The following SLC22A31 variants were observed in gnomAD, a reference collection of about 807,000 sequenced individuals.
SLC22A31 encodes the protein solute carrier family 22 member 31.
Under a neutral mutation model 27.4 loss-of-function variants are expected in SLC22A31, and 42 were observed. That is an observed-to-expected ratio of 1.53 (90% CI 1.20 to 1.98). The LOEUF is 1.98. Among genes scored for constraint, SLC22A31 ranks in the 30% most tolerant of loss-of-function variants. SLC22A31 has a pLI of 0.00. For missense variants in SLC22A31, 593 were observed against 479.9 expected, an observed-to-expected ratio of 1.24 and a Z score of -2.20; for synonymous variants, 290 against 230.8, an observed-to-expected ratio of 1.26 and a Z score of -2.33.
chr16:89,199,807 C>T lies in SLC22A31; in HGVS notation c.34G>A (p.Val12Met), dbSNP rs1245873215. 1 of 402,862 alleles carries T rather than the reference C, an allele frequency of 2.5e-6. No individual in the cohort carries two copies. The highest frequency in any genetic ancestry group is 4.4e-5 in the Admixed American group (1 of 22,974). 25.0% of individuals were successfully genotyped at this position (402,862 alleles called of 1,614,324 possible). A position where few individuals can be genotyped will look rare whatever the true frequency, so the allele number is the denominator to read the frequency against. The change falls in exon 2 of 9, where the codon GTG becomes ATG. Residue 12 changes from valine (V) to methionine (M), a missense_variant. Coordinates refer to ENST00000682282, the MANE Select transcript of SLC22A31 (RefSeq NM_001384763.1). The part of the protein sequence containing the change: ...PHQLSQNWNL[V>M]CGDGWKVPLE... ...GGGACCTTCCAGCCGTCTCCACACA[C>T]AAGGTTCCACTATGGGGAACAGCAG...
At position 89,199,471 on chromosome 16, in the gene SLC22A31, G is replaced by T; in HGVS notation, c.225C>A (p.Val75=). The part of the protein sequence containing the change: ...ALAASFPTLL[V]LRLLHGGTLA... ...ATGTGCCCCCGTGGAGTAGGCGCAG[G>T]ACCAGCAGGGTAGGGAAGCTGGCAG... Residue 75 remains valine (V), a synonymous_variant, in exon 3 of 9, where the codon GTC becomes GTA. Coordinates refer to ENST00000682282, the MANE Select transcript of SLC22A31 (RefSeq NM_001384763.1). The T allele has an allele frequency of 1.9e-6, 1 of 519,886 alleles. No homozygotes were observed. Among genetic ancestry groups the T allele is most frequent in the Non-Finnish European group, 3.4e-6 (1 of 290,172 alleles). The allele number at this position is 519,886 out of a possible 1,614,324, so 32.2% of individuals were successfully genotyped here. A position where few individuals can be genotyped will look rare whatever the true frequency, so the allele number is the denominator to read the frequency against.
Position 89,200,523 on chromosome 16 carries a change from A to T in SLC22A31, c.-22T>A, listed in dbSNP as rs180820137. On this transcript the variant is annotated 5_prime_UTR_variant, in exon 1 of 9. Coordinates refer to ENST00000682282, the MANE Select transcript of SLC22A31 (RefSeq NM_001384763.1). ...GCATTCCTGGATCCAGGCACCAAAC[A>T]GGAGGAGGGCAGGTGGGAGGTGGGA... Among the ~76,000 whole-genome samples the T allele has an allele frequency of 6.6e-5, 10 of 152,222 alleles. No individual in the cohort carries two copies. In the East Asian group the frequency reaches 1.9e-3, roughly 29 times the overall value.
Position 89,197,278 on chromosome 16 carries a change from C to T in SLC22A31, c.1034+20G>A, listed in dbSNP as rs927688919. 1.0e-5 allele frequency: 16 copies of T among 1,529,932 alleles called. No individual in the cohort carries two copies. In the African/African-American group the frequency reaches 1.6e-4, roughly 16 times the overall value. 94.8% of individuals were successfully genotyped at this position (1,529,932 alleles called of 1,614,324 possible). ...GAGGCCCTGGACCCTGCTGTGTGGCCGGGCAACCCTGAAGCTCACCTGATC... is the reference window on the plus strand; with the variant it reads ...GAGGCCCTGGACCCTGCTGTGTGGCTGGGCAACCCTGAAGCTCACCTGATC... On this transcript the variant is annotated intron_variant, in intron 8 of 8. Coordinates refer to ENST00000682282, the MANE Select transcript of SLC22A31 (RefSeq NM_001384763.1).
Position 89,198,086 on chromosome 16 carries a change from A to G in SLC22A31, c.922+36T>C, listed in dbSNP as rs148284620. 3,084 of 1,529,498 alleles carry G rather than the reference A, an allele frequency of 2.0e-3. 35 individuals are homozygous for G. Among genetic ancestry groups the G allele is most frequent in the South Asian group, 0.018 (1,539 of 83,798 alleles). 94.7% of individuals were successfully genotyped at this position (1,529,498 alleles called of 1,614,324 possible). ...GTGGCAGACCGTCGGCCCAAACACA[A>G]TGGCTCCTGTATGGCCTGCGGGGCC... On this transcript the variant is annotated intron_variant, in intron 7 of 8. Transcript: ENST00000682282.
At position 89,199,136 on chromosome 16, in the gene SLC22A31, A is replaced by C; in HGVS notation, c.339T>G (p.Leu113=). The C allele has an allele frequency of 6.5e-7, 1 of 1,535,100 alleles. No homozygotes were observed. The highest frequency in any genetic ancestry group is 8.7e-7 in the Non-Finnish European group (1 of 1,146,558). ...HRLAFSMGAG[L]FSVVGTLLLP... The stretch of plus-strand genomic sequence containing the variant: ...GCAGCAGGGTGCCCACCACCGAGAA[A>C]AGGCCAGCCCCCATGGAGAAGGCCA... The change falls in exon 4 of 9, where the codon CTT becomes CTG. Residue 113 remains leucine, a synonymous_variant. Transcript: ENST00000682282.
intron 4 of SLC22A31, 66 bp downstream of exon 4, chr16:89,198,957 G>C: frequency 6.6e-7 from 1 of 1,511,526 alleles, no homozygotes; most frequent in Non-Finnish European, 8.8e-7. Flanking sequence ...GGGATACGTC[G>C]GTGCAGAGGG....
intron 3 of SLC22A31, 100 bp downstream of exon 3, chr16:89,199,313 C>A: frequency 9.8e-7 from 1 of 1,015,776 alleles, no homozygotes; most frequent in Non-Finnish European, 1.4e-6. Context: ...ACTCACTGCT[C>A]ACTGTCCCTG....
At position 89,196,323 on chromosome 16, in the gene SLC22A31, T is replaced by C. The variant is rs1322908553; in HGVS notation, c.1035-18A>G. On this transcript the variant is annotated intron_variant, in intron 8 of 8. Transcript: ENST00000682282. The stretch of plus-strand genomic sequence containing the variant: ...CGGCCCCCCTGTGGGACAGAGTGTG[T>C]TGGGGGCAGCCAGCCTCCTGGCCCA... 2.2e-6 allele frequency: 2 copies of C among 930,194 alleles called. No individual in the cohort carries two copies. Among genetic ancestry groups the C allele is most frequent in the Non-Finnish European group, 1.5e-6 (1 of 651,126 alleles). The allele number at this position is 930,194 out of a possible 1,614,324, so 57.6% of individuals were successfully genotyped here.
In SLC22A31 at chr16:89,199,062, A is replaced by G. The variant is rs1318787376; in HGVS notation, c.413T>C (p.Leu138Pro). 9 of 1,535,634 alleles carry G rather than the reference A, an allele frequency of 5.9e-6. 1 individual carries two copies. The South Asian group carries it at 5.9e-5, about 10-fold the overall frequency. Residue 138 changes from leucine (L) to proline (P), a missense_variant, in exon 4 of 9, where the codon CTG (leucine) becomes CCG (proline). Physicochemically the swap from Leu to Pro is moderately conservative, Grantham distance 98. Coordinates refer to ENST00000682282, the MANE Select transcript of SLC22A31 (RefSeq NM_001384763.1). ...CAAGAGTCCACTCATCAGGGCACCC[A>G]GCCCCTGCAGAAGACGCCAGTCCTG... ...LVQDWRLLQG[L>P]GALMSGLLLL...
Position 89,196,136 on chromosome 16 carries a change from C to G in SLC22A31, c.1204G>C (p.Gly402Arg). The G allele has an allele frequency of 6.5e-7, 1 of 1,534,904 alleles. No homozygotes were observed. The highest frequency in any genetic ancestry group is 8.7e-7 in the Non-Finnish European group (1 of 1,146,504). The change falls in exon 9 of 9, where the codon GGG becomes CGG. Residue 402 changes from glycine (G) to arginine (R), a missense_variant. Transcript: ENST00000682282. ...VLLLPESRSRGLPQSLQDADR... is the reference protein window; with the variant it reads ...VLLLPESRSRRLPQSLQDADR... ...GCGTCCTGCAGTGACTGGGGCAGCCCCCGGCTTCGGCTCTCAGGCAGCAGC... is the reference window on the plus strand; with the variant it reads ...GCGTCCTGCAGTGACTGGGGCAGCCGCCGGCTTCGGCTCTCAGGCAGCAGC...
At chr16:89,200,007 C>CGGCAG (rs1231394688) in intron 1 of SLC22A31, 191 bp from the exon 2 acceptor site, 22 of 395,484 alleles carry the variant, frequency 5.6e-5, no homozygotes, top group Non-Finnish European at 8.9e-5. Context: ...CTCTGGTCTC[C>CGGCAG]GGCAGCCCCT....
intron 8 of SLC22A31, 179 bp from the exon 9 acceptor site, chr16:89,196,484 G>A (rs1222015037): frequency 2.9e-5 from 35 of 1,193,896 alleles, no homozygotes; most frequent in South Asian, 2.4e-4. Context: ...GAGAGAGTGC[G>A]TTGGGGGCAG....
rs1156580611 is a variant in SLC22A31, at chr16:89,195,947, C to G, written c.*52G>C. The G allele has an allele frequency of 6.9e-7, 1 of 1,447,580 alleles. No homozygotes were observed. The highest frequency in any genetic ancestry group is 1.4e-5 in the African/African-American group (1 of 70,288). The allele number at this position is 1,447,580 out of a possible 1,614,324, so 89.7% of individuals were successfully genotyped here. On this transcript the variant is annotated 3_prime_UTR_variant, in exon 9 of 9. Transcript: ENST00000682282. Reference sequence around the variant, plus strand: ...CAGACGTCTGGGGTACTCAGCCATGCCCCAGGCCTTGACTTTGGTCCCATC... The same window carrying G: ...CAGACGTCTGGGGTACTCAGCCATGGCCCAGGCCTTGACTTTGGTCCCATC...
intron 5 of SLC22A31, 27 bp from the exon 6 acceptor site, chr16:89,198,577 G>C (rs528701444): frequency 6.4e-5 from 97 of 1,514,148 alleles, no homozygotes; most frequent in Admixed American, 1.0e-4. Flanking sequence ...GTGAGGGGAG[G>C]GGGGTGAGGA....
rs765072693 is a variant in SLC22A31, at chr16:89,198,185, C to T, written c.859G>A (p.Val287Met). The change falls in exon 7 of 9, where the codon GTG becomes ATG. Residue 287 changes from valine to methionine, a missense_variant. Physicochemically the swap from Val to Met is conservative, Grantham distance 21. Transcript: ENST00000682282. ...GTGACCATGGTGCCCAGCAGCAGCA[C>T]GGGGCGGCGTCCACAGCAATCTGCC... ...LTADCCGRRP[V>M]LLLGTMVTGL... The T allele has an allele frequency of 1.6e-5, 25 of 1,535,426 alleles. No individual in the cohort carries two copies. Among genetic ancestry groups the T allele is most frequent in the South Asian group, 9.5e-5 (8 of 84,060 alleles).
chr16:89,199,026 C>G lies in SLC22A31; in HGVS notation c.449G>C (p.Trp150Ser). The change falls in exon 4 of 9, where the codon TGG (tryptophan) becomes TCG (serine). Residue 150 changes from tryptophan to serine, a missense_variant. Coordinates refer to ENST00000682282, the MANE Select transcript of SLC22A31 (RefSeq NM_001384763.1). ...GCCCAGCTCCCACCACACTTACCCCCAAAAGAGCAGCAAGAGTCCACTCAT... is the reference window on the plus strand; with the variant it reads ...GCCCAGCTCCCACCACACTTACCCCGAAAAGAGCAGCAAGAGTCCACTCAT... ...ALMSGLLLLF[W>S]GFPALFPESP... 2 of 1,535,438 alleles carry G rather than the reference C, an allele frequency of 1.3e-6. No homozygotes were observed. Among genetic ancestry groups the G allele is most frequent in the Non-Finnish European group, 1.7e-6 (2 of 1,146,638 alleles).
At chr16:89,198,983 C>T (rs1431537437) in intron 4 of SLC22A31, 40 bp downstream of exon 4, 3 of 1,525,910 alleles carry the variant, frequency 2.0e-6, no homozygotes, top group South Asian at 2.4e-5. Context: ...ACATAGTCAG[C>T]CCCGATGAGG....
rs367785197 is a variant in SLC22A31, at chr16:89,195,926, C to T, written c.*73G>A. 7 of 1,402,712 alleles carry T rather than the reference C, an allele frequency of 5.0e-6. No individual in the cohort carries two copies. Among genetic ancestry groups the T allele is most frequent in the African/African-American group, 4.4e-5 (3 of 68,918 alleles). The allele number at this position is 1,402,712 out of a possible 1,614,324, so 86.9% of individuals were successfully genotyped here. On this transcript the variant is annotated 3_prime_UTR_variant, in exon 9 of 9. Transcript: ENST00000682282. ...AGGAATGTGTCTGCCCTGGACCAGA[C>T]GTCTGGGGTACTCAGCCATGCCCCA...
intron 6 of SLC22A31, 45 bp downstream of exon 6, chr16:89,198,397 C>A: frequency 6.5e-7 from 1 of 1,529,868 alleles, no homozygotes; most frequent in South Asian, 1.2e-5. Flanking sequence ...GACCATATGC[C>A]CACCCCGGGG....
Sources: gnomAD v4.1 joint callset for allele counts (sites outside exome capture counted in the v4.1 genomes callset) on GRCh38, gnomAD v4.1.1 for gene constraint, MANE v1.5 for transcripts, NCBI Gene and HGNC (gene_info 2026-07-23, HGNC 2026-07-21) for gene names.